Variants in SYTL4 observed in about 807,000 individuals in gnomAD.
SYTL4 encodes synaptotagmin-like protein 4.
SYTL4 carries 16 observed loss-of-function variants against 52.7 expected under a neutral mutation model. That is an observed-to-expected ratio of 0.30 (90% CI 0.21 to 0.46). The LOEUF (loss-of-function observed/expected upper bound fraction) is 0.46, where lower values mean the gene tolerates loss of function less well. Among genes scored for constraint, SYTL4 ranks in the 20% least tolerant of loss-of-function variants. The probability of loss-of-function intolerance (pLI) is 1.00; values close to 1 mark genes in which losing one functional copy is unlikely to be tolerated. For missense variants in SYTL4, 423 were observed against 519.9 expected (o/e 0.81, Z 1.81); for synonymous variants, 160 against 186.6 (o/e 0.86, Z 1.16).
At chrX:100,691,808 G>A (rs770075559) in intron 8 of SYTL4, among the ~76,000 whole-genome samples, 1 of 111,339 alleles carries the variant, frequency 9.0e-6, no homozygotes, top group African/African-American at 3.3e-5. Context: ...AAAGTGCTGG[G>A]ATTACAGGCG....
chrX:100,721,253 A>G (rs892962065), intron 2 of SYTL4, among the ~76,000 whole-genome samples: 1 of 111,040 alleles, frequency 9.0e-6, no homozygotes, highest in Non-Finnish European at 1.9e-5. Context: ...ATAACTTGAG[A>G]TAAAGCAAGA....
chrX:100,684,267 G>A (rs187070343), intron 16 of SYTL4, among the ~76,000 whole-genome samples: 1 of 105,183 alleles, frequency 9.5e-6, no homozygotes, highest in East Asian at 3.3e-4. Context: ...AGTATTTAAA[G>A]GGACAAATTT....
intron 2 of SYTL4, among the ~76,000 whole-genome samples, chrX:100,721,028 G>A (rs1404728103): frequency 9.0e-6 from 1 of 111,354 alleles, no homozygotes; most frequent in Non-Finnish European, 1.9e-5. Flanking sequence ...CAAATCCCTA[G>A]AGCAAGATTA....
At chrX:100,723,847 G>C (rs1268868758) in intron 2 of SYTL4, among the ~76,000 whole-genome samples, 3 of 109,138 alleles carry the variant, frequency 2.7e-5, no homozygotes, top group African/African-American at 6.7e-5. Context: ...TCTCCGCCTG[G>C]CAGCCACCCC....
chrX:100,675,917 C>T lies in SYTL4; in HGVS notation c.*111G>A. On this transcript the variant is annotated 3_prime_UTR_variant, in exon 20 of 20. Coordinates refer to ENST00000372989, the MANE Select transcript of SYTL4 (RefSeq NM_001370165.1). ...ACATACACACACACACACACACACA[C>T]ACATACACACATACACACATACACA... is the stretch of plus-strand genomic sequence containing the variant. 1 of 679,435 alleles carries T rather than the reference C, an allele frequency of 1.5e-6. No individual in the cohort carries two copies. Among genetic ancestry groups the T allele is most frequent in the East Asian group, 3.6e-5 (1 of 27,920 alleles). 56.0% of individuals were successfully genotyped at this position (679,435 alleles called of 1,213,427 possible).
intron 2 of SYTL4, among the ~76,000 whole-genome samples, chrX:100,709,820 T>A (rs1441202252): frequency 8.9e-6 from 1 of 112,577 alleles, no homozygotes; most frequent in Non-Finnish European, 1.9e-5. Flanking sequence ...AAATGACATT[T>A]ATTTTCTTTT....
chrX:100,709,189 T>G (rs896571089), intron 2 of SYTL4, among the ~76,000 whole-genome samples: 1 of 111,224 alleles, frequency 9.0e-6, no homozygotes, highest in African/African-American at 3.3e-5. Context: ...GTGTGTGAGC[T>G]GTGGTTAAAA....
Position 100,719,003 on chromosome X carries a change from G to C in SYTL4, c.-240+12415C>G, listed in dbSNP as rs145230826. Among the ~76,000 whole-genome samples the C allele has an allele frequency of 7.3e-3, 808 of 110,390 alleles. 4 individuals carry two copies. Among genetic ancestry groups the C allele is most frequent in the Middle Eastern group, 0.032 (7 of 218 alleles). ...AGTAGAGACAGGGTTTCACCATGTT[G>C]GCCAGGCTGGTCTCAAATGCCTGAC... On this transcript the variant is annotated intron_variant, in intron 2 of 19. Coordinates refer to ENST00000372989, the MANE Select transcript of SYTL4 (RefSeq NM_001370165.1).
chrX:100,678,859 G>T (rs2083326700), intron 18 of SYTL4: 2 of 338,845 alleles, frequency 5.9e-6, no homozygotes, highest in Admixed American at 1.0e-4. Flanking sequence ...ACTGAAAATG[G>T]GTTTTAAATA....
intron 16 of SYTL4, among the ~76,000 whole-genome samples, chrX:100,681,957 T>C (rs1042298679): frequency 1.8e-5 from 2 of 112,533 alleles, no homozygotes; most frequent in Non-Finnish European, 3.7e-5. Context: ...ATTGCCATTA[T>C]CACTTATGTT....
chrX:100,689,997 T>C, intron 11 of SYTL4, 38 bp from the exon 12 acceptor site: 1 of 1,153,195 alleles, frequency 8.7e-7, no homozygotes, highest in African/African-American at 1.8e-5. Context: ...CAAAGAGACC[T>C]ATTCTTCTCC....
At chrX:100,701,803 C>T (rs758522882) in intron 5 of SYTL4, 125 bp downstream of exon 5, 52 of 808,782 alleles carry the variant, frequency 6.4e-5, no homozygotes, top group Non-Finnish European at 8.8e-5. Flanking sequence ...CCCAGCGTGA[C>T]CCAATAAGTA....
rs768446159 is a variant in SYTL4 at position 100,686,813 on chromosome X, C to T, written c.1185-32G>A. 1.4e-5 allele frequency: 16 copies of T among 1,119,834 alleles called. No individual in the cohort carries two copies. The East Asian group carries it at 4.2e-4, about 29-fold the overall frequency. The allele number at this position is 1,119,834 out of a possible 1,213,427, so 92.3% of individuals were successfully genotyped here. ...ACCAAAGACAGCACTGAGTAATTTG[C>T]TGGCCTTTCTCAAGCCTGCTTTTCA... On this transcript the variant is annotated intron_variant, in intron 14 of 19. Coordinates refer to ENST00000372989, the MANE Select transcript of SYTL4 (RefSeq NM_001370165.1).
chrX:100,678,677 C>T (rs2083323655), intron 18 of SYTL4, 78 bp from the exon 19 acceptor site: 1 of 859,357 alleles, frequency 1.2e-6, no homozygotes, highest in African/African-American at 2.0e-5. Flanking sequence ...TCCCCTACCA[C>T]AGGCCTAGCC....
At chrX:100,702,786 A>G (rs2083882390) in intron 4 of SYTL4, among the ~76,000 whole-genome samples, 1 of 112,335 alleles carries the variant, frequency 8.9e-6, no homozygotes, top group Non-Finnish European at 1.9e-5. Flanking sequence ...ATCACAGAGT[A>G]GCAGGGGAGA....
Position 100,675,956 on chromosome X carries a change from C to A in SYTL4, c.*72G>T, listed in dbSNP as rs988109782. ...CACACATACACATTAAATTATAAAT[C>A]TTTGCTCTTGATTTCTTCACTTCCT... On this transcript the variant is annotated 3_prime_UTR_variant, in exon 20 of 20. Coordinates refer to ENST00000372989, the MANE Select transcript of SYTL4 (RefSeq NM_001370165.1). The A allele has an allele frequency of 2.8e-6, 3 of 1,054,816 alleles. No individual in the cohort carries two copies. Among genetic ancestry groups the A allele is most frequent in the African/African-American group, 3.8e-5 (2 of 52,942 alleles). 86.9% of individuals were successfully genotyped at this position (1,054,816 alleles called of 1,213,427 possible). A position where few individuals can be genotyped will look rare whatever the true frequency, so the allele number is the denominator to read the frequency against.
intron 8 of SYTL4, among the ~76,000 whole-genome samples, chrX:100,697,721 A>T (rs2083733428): frequency 8.9e-6 from 1 of 111,834 alleles, no homozygotes; most frequent in African/African-American, 3.3e-5. Context: ...CCTAAATAAG[A>T]TAATTTACTC....
chrX:100,691,923 T>C (rs1407274000), intron 8 of SYTL4, among the ~76,000 whole-genome samples: 6 of 111,685 alleles, frequency 5.4e-5, no homozygotes, highest in African/African-American at 2.0e-4. Context: ...GAAATCCTCA[T>C]GATTTGGCCC....
At chrX:100,723,818 G>A (rs1469370381) in intron 2 of SYTL4, among the ~76,000 whole-genome samples, 14 of 107,972 alleles carry the variant, frequency 1.3e-4, no homozygotes, top group African/African-American at 3.7e-4. Flanking sequence ...CAGCCACCCC[G>A]TCTGGGAAGT....
Sources: allele counts gnomAD v4.1 joint callset (sites outside exome capture counted in the v4.1 genomes callset), GRCh38; gene constraint gnomAD v4.1.1; transcripts MANE v1.5; gene names NCBI Gene and HGNC (gene_info 2026-07-23, HGNC 2026-07-21).